TPM4: variants seen among roughly 807,000 people sequenced by gnomAD.
The protein encoded by TPM4 is tropomyosin 4.
In TPM4, 17 loss-of-function variants were observed where a neutral mutation model predicts 35.8. The observed-to-expected ratio is 0.47, with a 90% CI of 0.32 to 0.71. The LOEUF (loss-of-function observed/expected upper bound fraction) is 0.71. Among genes scored for constraint, TPM4 ranks in the 30% least tolerant of loss-of-function variants. The pLI, the probability that TPM4 is intolerant of heterozygous loss-of-function variation, is 0.03. For missense variants in TPM4, 240 were observed against 320.9 expected (o/e 0.75, Z 1.93); for synonymous variants, 120 against 122.9 (o/e 0.98, Z 0.15).
chr19:16,074,137 G>C (rs1471891468), upstream of TPM4, among the ~76,000 whole-genome samples: 1 of 151,696 alleles, frequency 6.6e-6, no homozygotes, highest in African/African-American at 2.4e-5. Flanking sequence ...AGAAGCCACG[G>C]GCACAGCAGC....
At chr19:16,069,427 ATG>A (rs1191174672) in intron 2 of TPM4, among the ~76,000 whole-genome samples, 5 of 23,748 alleles carry the variant, frequency 2.1e-4, no homozygotes, top group African/African-American at 7.5e-4. Flanking sequence ...GTTGGTGTGT[ATG>A]TGTGTGAATG....
chr19:16,083,204 G>A (rs765176314), intron 2 of TPM4, among the ~76,000 whole-genome samples: 2 of 152,148 alleles, frequency 1.3e-5, no homozygotes, highest in African/African-American at 2.4e-5. Context: ...AGCACTTTGC[G>A]ATGACGAGGC....
At chr19:16,081,414 T>TTTTTTTA (rs2090481262) in intron 1 of TPM4, 1 of 203,474 alleles carries the variant, frequency 4.9e-6, no homozygotes, top group African/African-American at 2.3e-5. Context: ...TTTTTTTTTT[T>TTTTTTTA]GAGACGGAGT....
intron 2 of TPM4, chr19:16,068,075 G>C (rs948929601): frequency 7.9e-6 from 3 of 378,896 alleles, no homozygotes; most frequent in African/African-American, 6.3e-5. Flanking sequence ...GGGACATGCT[G>C]TGTGTGTGTA....
rs972781038 is a variant in TPM4, at chr19:16,070,237, C to T, written c.114+2499C>T. Among the ~76,000 whole-genome samples, 2 of 152,146 alleles carry T rather than the reference C, an allele frequency of 1.3e-5. No individual in the cohort carries two copies. The highest frequency in any genetic ancestry group is 4.8e-5 in the African/African-American group (2 of 41,426). ...CCACACAGACCCAGAACTTTGGAGA[C>T]AAGAGTCCTGGGAACCCTGGCAATG... On this transcript the variant is annotated intron_variant, in intron 2 of 2. Coordinates refer to the TPM4 transcript ENST00000589897. This position sits in a 1 kb window ranked among gnomAD's most constrained non-coding sequence, Gnocchi z 7.4.
At chr19:16,089,514 A>C (rs1384822167) in intron 5 of TPM4, among the ~76,000 whole-genome samples, 1 of 152,170 alleles carries the variant, frequency 6.6e-6, no homozygotes, top group African/African-American at 2.4e-5. Flanking sequence ...TTGAAACAGC[A>C]CCCAAAGCAG....
At chr19:16,084,284 T>C (rs568561723) in intron 2 of TPM4, among the ~76,000 whole-genome samples, 4 of 152,292 alleles carry the variant, frequency 2.6e-5, no homozygotes, top group Admixed American at 2.6e-4. Context: ...ATCTTGGAGA[T>C]TGCATGTCAC....
At chr19:16,081,176 G>C (rs916170764) in intron 1 of TPM4, 2 of 397,428 alleles carry the variant, frequency 5.0e-6, no homozygotes, top group Non-Finnish European at 8.9e-6. Flanking sequence ...AATGAGCCGG[G>C]TCACTGATGG....
intron 2 of TPM4, 74 bp downstream of exon 2, chr19:16,082,120 A>G: frequency 1.3e-6 from 2 of 1,518,640 alleles, no homozygotes; most frequent in Non-Finnish European, 1.8e-6. Flanking sequence ...GACCTCGCAG[A>G]GCTGGTGTGA....
chr19:16,068,874 G>A (rs2090324666), intron 2 of TPM4, among the ~76,000 whole-genome samples: 1 of 152,204 alleles, frequency 6.6e-6, no homozygotes, highest in African/African-American at 2.4e-5. Flanking sequence ...AAAGAGTGCG[G>A]AGGGGTAAAG....
chr19:16,080,414 C>A lies in TPM4; in HGVS notation c.133-1499C>A, dbSNP rs142786099. The A allele has an allele frequency of 3.5e-3, 700 of 201,536 alleles. 6 individuals carry two copies. Among genetic ancestry groups the A allele is most frequent in the Middle Eastern group, 0.023 (14 of 596 alleles). 12.5% of individuals were successfully genotyped at this position (201,536 alleles called of 1,614,324 possible). On this transcript the variant is annotated intron_variant, in intron 1 of 7. Coordinates refer to ENST00000643579, the MANE Select transcript of TPM4 (RefSeq NM_003290.3). ...CCTGCTGGGCATAAGCGGCGCCACC[C>A]TCTGGAGTTACAGCCTCAAGGCAGT...
chr19:16,076,392 C>G (rs1221213719), upstream of TPM4: 2 of 1,384,062 alleles, frequency 1.4e-6, no homozygotes, highest in Non-Finnish European at 1.9e-6. Context: ...GTCGGCGGTC[C>G]GGCCGGGTGA....
intron 1 of TPM4, chr19:16,080,904 C>A: frequency 2.5e-6 from 1 of 397,020 alleles, no homozygotes; most frequent in Non-Finnish European, 4.4e-6. Context: ...ATTGTACTTC[C>A]TTTCTTGTAG....
At chr19:16,069,551 A>AG (rs1568296202) in intron 2 of TPM4, among the ~76,000 whole-genome samples, 1 of 10,140 alleles carries the variant, frequency 9.9e-5, no homozygotes, top group Non-Finnish European at 2.7e-4. Context: ...TGTGTGGATG[A>AG]GTGTGTGTTT....
chr19:16,081,442 C>T (rs1017423516), intron 1 of TPM4: 13 of 169,024 alleles, frequency 7.7e-5, no homozygotes, highest in Non-Finnish European at 1.4e-4. Context: ...TGTCACCAGG[C>T]TGGAGTGCAG....
chr19:16,082,651 G>A (rs144065274), intron 2 of TPM4, among the ~76,000 whole-genome samples: 164 of 152,242 alleles, frequency 1.1e-3, no homozygotes, highest in African/African-American at 3.6e-3. Flanking sequence ...ACTGCTTCTC[G>A]TATTTTCTCT....
upstream of TPM4, among the ~76,000 whole-genome samples, chr19:16,073,980 G>GAAC (rs2090380281): frequency 1.7e-5 from 1 of 59,974 alleles, no homozygotes; most frequent in Admixed American, 1.8e-4. Context: ...AAAAAATAAT[G>GAAC]CACACACACA....
chr19:16,101,192 A>G (rs2090759766), intron 7 of TPM4, 72 bp from the exon 8 acceptor site: 1 of 1,296,282 alleles, frequency 7.7e-7, no homozygotes, highest in African/African-American at 1.5e-5. Flanking sequence ...AAAAAAACAA[A>G]TCTTTTTTTT....
intron 1 of TPM4, chr19:16,077,926 TA>T: frequency 5.9e-6 from 2 of 340,858 alleles, no homozygotes; most frequent in Admixed American, 4.8e-5. Flanking sequence ...CACGCCCAGC[TA>T]ATTTTTTTTT....
Sources: gnomAD v4.1 joint callset for allele counts (sites outside exome capture counted in the v4.1 genomes callset) on GRCh38, gnomAD v4.1.1 for gene constraint, Gnocchi (gnomAD v3.1) non-coding constraint, MANE v1.5 for transcripts, NCBI Gene and HGNC (gene_info 2026-07-23, HGNC 2026-07-21) for gene names.